The following MYOM2 variants were observed in gnomAD, a reference collection of about 807,000 sequenced individuals.
MYOM2 encodes myomesin 2.
In MYOM2, 254 loss-of-function variants were observed where a neutral mutation model predicts 187.6. The ratio of observed to expected loss-of-function variants is 1.35; its 90% CI spans 1.22 to 1.50. The LOEUF is 1.50. Among genes scored for constraint, MYOM2 ranks in the 40% most tolerant of loss-of-function variants. The probability of loss-of-function intolerance (pLI) is 0.00; values close to 1 mark genes in which losing one functional copy is unlikely to be tolerated. For missense variants in MYOM2, 2,796 were observed against 1,924.0 expected (o/e 1.45, Z -8.48); for synonymous variants, 981 against 753.8 (o/e 1.30, Z -4.94).
At chr8:2,104,446 A>G (rs1048183435) in intron 21 of MYOM2, among the ~76,000 whole-genome samples, 3 of 152,062 alleles carry the variant, frequency 2.0e-5, no homozygotes, top group African/African-American at 4.8e-5. Flanking sequence ...ACTAAAAAAT[A>G]CAAAAAGAAT....
chr8:2,125,138 G>A (rs1365898804), intron 31 of MYOM2, among the ~76,000 whole-genome samples: 1 of 152,098 alleles, frequency 6.6e-6, no homozygotes, highest in Non-Finnish European at 1.5e-5. Flanking sequence ...TATTTTTGAT[G>A]TCCTATCCAA....
At chr8:2,099,490 G>T (rs10092304) in intron 19 of MYOM2, among the ~76,000 whole-genome samples, 56,834 of 151,368 alleles carry the variant, frequency 0.38, 11,471 homozygotes, top group East Asian at 0.6. Context: ...ATTCGTGGGT[G>T]AGCTCCTGCT....
At chr8:2,126,688 G>C (rs970051041) in intron 31 of MYOM2, among the ~76,000 whole-genome samples, 3 of 145,992 alleles carry the variant, frequency 2.1e-5, no homozygotes, top group East Asian at 2.1e-4. Context: ...GGGGAGCACT[G>C]AGGGAGGCTG....
At chr8:2,125,316 G>A (rs62478456) in intron 31 of MYOM2, among the ~76,000 whole-genome samples, 29,459 of 152,108 alleles carry the variant, frequency 0.19, 3,052 homozygotes, top group East Asian at 0.37. Flanking sequence ...TGGATATTCA[G>A]TGTTTCCAGC....
chr8:2,101,125 C>T (rs1796696248), intron 20 of MYOM2, 71 bp downstream of exon 20: 4 of 1,506,936 alleles, frequency 2.7e-6, no homozygotes, highest in Admixed American at 3.7e-5. Flanking sequence ...GCGGGCCAAT[C>T]ACTTGAGGTC....
chr8:2,106,150 G>A, intron 21 of MYOM2, 92 bp from the exon 22 acceptor site: 1 of 1,295,476 alleles, frequency 7.7e-7, no homozygotes, highest in Non-Finnish European at 1.1e-6. Context: ...TTTGGGTGTG[G>A]ACGCGGAGCC....
chr8:2,052,430 C>G (rs1223540490), intron 3 of MYOM2, 117 bp downstream of exon 3: 10 of 1,139,882 alleles, frequency 8.8e-6, no homozygotes, highest in Non-Finnish European at 1.2e-5. Flanking sequence ...GGAACACAGG[C>G]CATGCCTGGG....
intron 1 of MYOM2, among the ~76,000 whole-genome samples, chr8:2,049,631 A>G (rs766142729): frequency 6.6e-6 from 1 of 152,222 alleles, no homozygotes; most frequent in Non-Finnish European, 1.5e-5. Context: ...CTGTCTTTAA[A>G]TAAGGACAGA....
intron 8 of MYOM2, among the ~76,000 whole-genome samples, chr8:2,071,739 C>A (rs1475339440): frequency 6.6e-6 from 1 of 152,208 alleles, no homozygotes; most frequent in East Asian, 1.9e-4. Flanking sequence ...TTACGAACAG[C>A]AAACACTTAT....
intron 32 of MYOM2, among the ~76,000 whole-genome samples, chr8:2,129,655 G>T (rs749376786): frequency 1.3e-5 from 2 of 152,096 alleles, no homozygotes; most frequent in South Asian, 2.1e-4. Flanking sequence ...ATTAAAAACA[G>T]AAGAAAACAA....
At chr8:2,060,809 C>T (rs750784019) in intron 6 of MYOM2, among the ~76,000 whole-genome samples, 1 of 147,644 alleles carries the variant, frequency 6.8e-6, no homozygotes, top group African/African-American at 2.5e-5. Flanking sequence ...TCCTGACACT[C>T]GTTAAGGACA....
intron 31 of MYOM2, 63 bp downstream of exon 31, chr8:2,124,280 G>C (rs1400963716): frequency 6.7e-7 from 1 of 1,497,916 alleles, no homozygotes; most frequent in East Asian, 2.3e-5. Context: ...TTCCTGACAC[G>C]GGAAGTCACT....
intron 14 of MYOM2, among the ~76,000 whole-genome samples, chr8:2,087,957 TAG>T (rs1796153863): frequency 6.6e-6 from 1 of 152,172 alleles, no homozygotes; most frequent in African/African-American, 2.4e-5. Context: ...AACACATTTT[TAG>T]AGAGAGGACT....
In MYOM2 at chr8:2,104,962, G is replaced by C. The variant is rs180787416; in HGVS notation, c.2735-1280G>C. On this transcript the variant is annotated intron_variant, in intron 21 of 36. Coordinates refer to ENST00000262113, the MANE Select transcript of MYOM2 (RefSeq NM_003970.4). ...AATTTTTATTATTCTGTTTTTTATAGAGACAGGATCTCACTATGTTGCCCA... is the reference window on the plus strand; with the variant it reads ...AATTTTTATTATTCTGTTTTTTATACAGACAGGATCTCACTATGTTGCCCA... Among the ~76,000 whole-genome samples the C allele has an allele frequency of 6.6e-5, 10 of 152,230 alleles. No homozygotes were observed. The East Asian group carries it at 1.4e-3, about 21-fold the overall frequency.
At chr8:2,101,469 A>G (rs1796707712) in intron 20 of MYOM2, among the ~76,000 whole-genome samples, 1 of 152,210 alleles carries the variant, frequency 6.6e-6, no homozygotes, top group South Asian at 2.1e-4. Flanking sequence ...GCAAGCCAGC[A>G]CCGAGCCCCG....
intron 31 of MYOM2, among the ~76,000 whole-genome samples, chr8:2,126,058 T>C (rs1359732829): frequency 6.6e-6 from 1 of 152,214 alleles, no homozygotes; most frequent in Non-Finnish European, 1.5e-5. Flanking sequence ...TATCTCATAA[T>C]GTGTCCAAGG....
intron 28 of MYOM2, 28 bp downstream of exon 28, chr8:2,117,980 C>G (rs748098317): frequency 6.3e-7 from 1 of 1,596,206 alleles, no homozygotes; most frequent in South Asian, 1.1e-5. Context: ...AACAGGAAAA[C>G]AATAAATCTC....
intron 14 of MYOM2, 57 bp downstream of exon 14, chr8:2,085,447 A>G (rs59220531): frequency 0.17 from 231,705 of 1,341,264 alleles, 33,730 homozygotes; most frequent in East Asian, 0.38. Context: ...CCCCACTGTC[A>G]TGATCTCTGC....
chr8:2,119,810 A>T (rs1027412005), intron 28 of MYOM2, among the ~76,000 whole-genome samples: 1 of 151,816 alleles, frequency 6.6e-6, no homozygotes, highest in Admixed American at 6.6e-5. Context: ...GGGAGATGAG[A>T]CCAGGTCAGC....
Sources: allele counts gnomAD v4.1 joint callset (sites outside exome capture counted in the v4.1 genomes callset), GRCh38; gene constraint gnomAD v4.1.1; transcripts MANE v1.5; gene names NCBI Gene and HGNC (gene_info 2026-07-23, HGNC 2026-07-21).